The following GRID2 variants were observed in gnomAD, a reference collection of about 807,000 sequenced individuals.
The protein encoded by GRID2 is glutamate receptor ionotropic, delta-2.
Under a neutral mutation model 114.8 loss-of-function variants are expected in GRID2, and 33 were observed. The ratio of observed to expected loss-of-function variants is 0.29; its 90% CI spans 0.22 to 0.38. GRID2 has a LOEUF of 0.38. Ranked by LOEUF, GRID2 falls within the 10% of genes least tolerant of loss-of-function variation. GRID2 has a pLI of 1.00. For missense variants in GRID2, 1,184 were observed against 1,257.7 expected, an observed-to-expected ratio of 0.94 and a Z score of 0.89; for synonymous variants, 505 against 449.9, an observed-to-expected ratio of 1.12 and a Z score of -1.55.
intron 13 of GRID2, among the ~76,000 whole-genome samples, chr4:93,602,514 G>A (rs1317578585): frequency 6.6e-6 from 1 of 152,134 alleles, no homozygotes; most frequent in Non-Finnish European, 1.5e-5. Context: ...CTTTTTCATT[G>A]TTATTATATC....
intron 13 of GRID2, among the ~76,000 whole-genome samples, chr4:93,539,821 G>C (rs190173233): frequency 8.6e-5 from 13 of 151,878 alleles, no homozygotes; most frequent in Admixed American, 8.5e-4. Context: ...TTGTTTGTTT[G>C]TGTGCTCTGG....
chr4:93,683,744 A>T (rs1478689607), intron 14 of GRID2, among the ~76,000 whole-genome samples: 1 of 152,094 alleles, frequency 6.6e-6, no homozygotes, highest in Admixed American at 6.6e-5. Context: ...TGTGTAGGGA[A>T]AATCATTTAT....
intron 9 of GRID2, among the ~76,000 whole-genome samples, chr4:93,405,184 CATCTT>C (rs755471370): frequency 1.3e-5 from 2 of 152,156 alleles, no homozygotes; most frequent in African/African-American, 2.4e-5. Flanking sequence ...TGAGTGTACT[CATCTT>C]AGGTGAATGG....
At chr4:93,768,681 TTAAA>T (rs1733872215) in intron 14 of GRID2, among the ~76,000 whole-genome samples, 3 of 152,298 alleles carry the variant, frequency 2.0e-5, no homozygotes, top group African/African-American at 7.2e-5. Context: ...TCACACTGTG[TTAAA>T]TAATAGGTCT....
chr4:93,403,539 AT>A (rs1175386640), intron 9 of GRID2, among the ~76,000 whole-genome samples: 2 of 152,184 alleles, frequency 1.3e-5, no homozygotes, highest in Admixed American at 6.6e-5. Flanking sequence ...TATAAACAAA[AT>A]TAAAAAAAAT....
rs560312183 is a variant in GRID2, at chr4:92,939,097, G to A, written c.245-145898G>A. Among the ~76,000 whole-genome samples the A allele has an allele frequency of 1.1e-4, 16 of 147,318 alleles. 2 individuals carry two copies. The South Asian group carries it at 3.7e-3, about 34-fold the overall frequency. On this transcript the variant is annotated intron_variant, in intron 2 of 15. Transcript: ENST00000282020. Reference sequence around the variant, plus strand: ...ATATACCCAGTAATGGGATGGCTGGGTCAAATGGTATTTCTAGTTCTAGAT... The same window carrying A: ...ATATACCCAGTAATGGGATGGCTGGATCAAATGGTATTTCTAGTTCTAGAT...
chr4:93,281,139 G>T (rs1185367797), intron 8 of GRID2, among the ~76,000 whole-genome samples: 1 of 151,738 alleles, frequency 6.6e-6, no homozygotes, highest in Non-Finnish European at 1.5e-5. Context: ...ATAAATGAGG[G>T]GCATGGGGGC....
rs73837368 is a variant in GRID2 at position 92,878,707 on chromosome 4, T to C, written c.245-206288T>C. Among the ~76,000 whole-genome samples, 785 of 152,290 alleles carry C rather than the reference T, an allele frequency of 5.2e-3. 6 individuals are homozygous for C. The highest frequency in any genetic ancestry group is 0.018 in the African/African-American group (744 of 41,578). ...CATGTATTCTTTTAGCAAATATTTA[T>C]TGAATTCTTTATTTGCATGATATAT... On this transcript the variant is annotated intron_variant, in intron 2 of 15. Coordinates refer to ENST00000282020, the MANE Select transcript of GRID2 (RefSeq NM_001510.4).
At chr4:93,725,023 G>A (rs1014808593) in intron 14 of GRID2, among the ~76,000 whole-genome samples, 5 of 151,986 alleles carry the variant, frequency 3.3e-5, no homozygotes, top group Non-Finnish European at 5.9e-5. Flanking sequence ...TAGGGTACAT[G>A]TGCACAATGT....
At chr4:93,518,529 G>A (rs567422619) in intron 13 of GRID2, among the ~76,000 whole-genome samples, 1 of 152,076 alleles carries the variant, frequency 6.6e-6, no homozygotes, top group East Asian at 1.9e-4. Context: ...TCACTGGGAT[G>A]GACAGAAATG....
At chr4:92,400,952 G>T (rs189734553) in intron 1 of GRID2, among the ~76,000 whole-genome samples, 1 of 151,900 alleles carries the variant, frequency 6.6e-6, no homozygotes, top group African/African-American at 2.4e-5. Context: ...TCTTTTTATC[G>T]TTAACATGTA....
chr4:92,704,701 ATCTCTCTCTC>A (rs778705188), intron 2 of GRID2, among the ~76,000 whole-genome samples: 1 of 113,666 alleles, frequency 8.8e-6, no homozygotes, highest in East Asian at 3.3e-4. Context: ...CAATCAATCA[ATCTCTCTCTC>A]TCTCTCTCTC....
In GRID2 at chr4:92,878,001, C is replaced by G. The variant is rs1745754464; in HGVS notation, c.245-206994C>G. 2.0e-5 allele frequency among the ~76,000 whole-genome samples: 3 copies of G among 152,072 alleles called. No individual in the cohort carries two copies. In the South Asian group the frequency reaches 6.2e-4, roughly 31 times the overall value. On this transcript the variant is annotated intron_variant, in intron 2 of 15. Transcript: ENST00000282020. The stretch of plus-strand genomic sequence containing the variant: ...TCTAAACATTTCAATAGCTTTGCTA[C>G]AAATACTCAATTTGTACCATTCAAA...
At chr4:92,814,092 A>C (rs1238532730) in intron 2 of GRID2, among the ~76,000 whole-genome samples, 2 of 152,092 alleles carry the variant, frequency 1.3e-5, no homozygotes, top group Non-Finnish European at 2.9e-5. Flanking sequence ...TTTTACTGAT[A>C]CTTTCATTTT....
At chr4:93,679,567 T>A (rs1374672570) in intron 14 of GRID2, among the ~76,000 whole-genome samples, 1 of 150,788 alleles carries the variant, frequency 6.6e-6, no homozygotes, top group Non-Finnish European at 1.5e-5. Flanking sequence ...ACAGAAATTA[T>A]AACAAACTGT....
chr4:93,446,965 G>A (rs1722152691), intron 10 of GRID2, among the ~76,000 whole-genome samples: 1 of 151,562 alleles, frequency 6.6e-6, no homozygotes, highest in South Asian at 2.1e-4. Flanking sequence ...TACATCATGT[G>A]CCTCCAACTC....
chr4:93,600,380 C>A (rs1047907397), intron 13 of GRID2, among the ~76,000 whole-genome samples: 3 of 151,586 alleles, frequency 2.0e-5, no homozygotes, highest in African/African-American at 7.3e-5. Context: ...AATGAAAAGA[C>A]AAATAGTATA....
chr4:92,973,348 A>G (rs1753646816), intron 2 of GRID2, among the ~76,000 whole-genome samples: 3 of 152,168 alleles, frequency 2.0e-5, no homozygotes, highest in Admixed American at 2.0e-4. Context: ...GTGAGTTTGG[A>G]TCCCATACTC....
At chr4:93,602,143 A>G (rs1033072766) in intron 13 of GRID2, among the ~76,000 whole-genome samples, 1 of 152,222 alleles carries the variant, frequency 6.6e-6, no homozygotes, top group East Asian at 1.9e-4. Flanking sequence ...ACTTCATTTT[A>G]TAAGAAAATC....
Sources: allele counts gnomAD v4.1 joint callset (sites outside exome capture counted in the v4.1 genomes callset), GRCh38; gene constraint gnomAD v4.1.1; transcripts MANE v1.5; gene names NCBI Gene and HGNC (gene_info 2026-07-23, HGNC 2026-07-21).